FARP1: variants seen among roughly 807,000 people sequenced by gnomAD.
FARP1 encodes the protein FERM, ARHGEF and pleckstrin domain-containing protein 1.
A neutral mutation model predicts 128.8 loss-of-function variants in FARP1; 52 were observed. That is an observed-to-expected ratio of 0.40 (90% CI 0.32 to 0.51). The LOEUF (loss-of-function observed/expected upper bound fraction) is 0.51. Among genes scored for constraint, FARP1 ranks in the 20% least tolerant of loss-of-function variants. FARP1 has a pLI of 0.45. For missense variants in FARP1, 1,333 were observed against 1,367.9 expected, an observed-to-expected ratio of 0.97 and a Z score of 0.40; for synonymous variants, 580 against 551.8, an observed-to-expected ratio of 1.05 and a Z score of -0.72.
At chr13:98,300,958 C>A (rs990954412) in intron 2 of FARP1, among the ~76,000 whole-genome samples, 1 of 152,160 alleles carries the variant, frequency 6.6e-6, no homozygotes, top group Non-Finnish European at 1.5e-5. Context: ...TCTCTCCAAC[C>A]CTGGAATTGG....
At chr13:98,264,478 C>G (rs1262414870) in intron 2 of FARP1, among the ~76,000 whole-genome samples, 3 of 152,198 alleles carry the variant, frequency 2.0e-5, no homozygotes, top group African/African-American at 7.2e-5. Context: ...TGCCTTGGTG[C>G]TCAGACCGAC....
chr13:98,214,701 G>C (rs1880956947), intron 2 of FARP1, among the ~76,000 whole-genome samples: 1 of 152,194 alleles, frequency 6.6e-6, no homozygotes. Context: ...ATTGCGCACT[G>C]CAAACAACCT....
At chr13:98,428,822 G>A (rs1388708229) in intron 17 of FARP1, among the ~76,000 whole-genome samples, 2 of 152,228 alleles carry the variant, frequency 1.3e-5, no homozygotes, top group Non-Finnish European at 2.9e-5. Context: ...AGGATGTGAC[G>A]ACATGCCAGG....
intron 2 of FARP1, among the ~76,000 whole-genome samples, chr13:98,246,087 CTTTTTTTTTTTTTT>C (rs56274534): frequency 1.6e-4 from 6 of 36,882 alleles, no homozygotes; most frequent in Admixed American, 5.3e-4. Flanking sequence ...GAGATAAATT[CTTTTTTTTTTTTTT>C]TTTTTTTTTT....
At position 98,435,632 on chromosome 13, in the gene FARP1, A is replaced by G. The variant is rs150432830; in HGVS notation, c.2200A>G (p.Met734Val). 3.3e-4 allele frequency: 527 copies of G among 1,614,082 alleles called. 2 individuals are homozygous for G. Among genetic ancestry groups the G allele is most frequent in the South Asian group, 3.5e-4 (32 of 91,084 alleles). Reference sequence around the variant, plus strand: ...ACAGCTCCACGGTACGATGATCAAGATGGAGAATTTCCAGAAGCTGCACGA... The same window carrying G: ...ACAGCTCCACGGTACGATGATCAAGGTGGAGAATTTCCAGAAGCTGCACGA... The part of the protein sequence containing the change: ...VAQLHGTMIK[M>V]ENFQKLHELK... Residue 734 changes from methionine to valine, a missense_variant, in exon 19 of 27, where the codon ATG becomes GTG. By Grantham distance (21) the Met-to-Val change is conservative. Transcript: ENST00000319562.
rs997491657 is a variant in FARP1 at position 98,450,195 on chromosome 13, C to CAGAT, written c.*1880_*1883dup. The CAGAT allele has an allele frequency of 2.2e-4, 34 of 152,160 alleles. No individual in the cohort carries two copies. Among genetic ancestry groups the CAGAT allele is most frequent in the Middle Eastern group, 6.8e-3 (2 of 294 alleles). The allele number at this position is 152,160 out of a possible 1,614,324, so 9.4% of individuals were successfully genotyped here. ...ACTACACATGAGACACACAATGATG[C>CAGAT]AGATACTCGTTTTCTTGAGCTTTAT... is the stretch of plus-strand genomic sequence containing the variant. On this transcript the variant is annotated 3_prime_UTR_variant, in exon 27 of 27. Transcript: ENST00000319562.
chr13:98,276,651 C>G (rs1264466357), intron 2 of FARP1, among the ~76,000 whole-genome samples: 1 of 152,172 alleles, frequency 6.6e-6, no homozygotes, highest in African/African-American at 2.4e-5. Context: ...AAGTCATCTT[C>G]TTGGTATTCA....
chr13:98,144,027 T>G (rs1266056528), intron 1 of FARP1, among the ~76,000 whole-genome samples: 1 of 152,158 alleles, frequency 6.6e-6, no homozygotes, highest in African/African-American at 2.4e-5. Flanking sequence ...AAGTTAGATT[T>G]GTGTCTCTCT....
chr13:98,340,024 C>T (rs1358717850), intron 2 of FARP1, among the ~76,000 whole-genome samples: 2 of 151,668 alleles, frequency 1.3e-5, no homozygotes, highest in South Asian at 2.1e-4. Flanking sequence ...TCCCCCTCCC[C>T]TCTTCTAAAG....
At position 98,291,350 on chromosome 13, in the gene FARP1, G is replaced by A. The variant is rs1006276; in HGVS notation, c.172-52412G>A. ...TCATGTTGAGTGGGCTGAGGAGGAG[G>A]AGGAGGATGAGTGGCTGGTCATGCT... On this transcript the variant is annotated intron_variant, in intron 2 of 26. Coordinates refer to ENST00000319562, the MANE Select transcript of FARP1 (RefSeq NM_005766.4). Among the ~76,000 whole-genome samples, 1,180 of 152,296 alleles carry A rather than the reference G, an allele frequency of 7.7e-3. 6 individuals are homozygous for A. The highest frequency in any genetic ancestry group is 0.018 in the South Asian group (87 of 4,830).
At chr13:98,360,533 C>T (rs1202885774) in intron 3 of FARP1, among the ~76,000 whole-genome samples, 1 of 152,190 alleles carries the variant, frequency 6.6e-6, no homozygotes, top group Non-Finnish European at 1.5e-5. Flanking sequence ...TGGCAGCTGT[C>T]CAGAAGCCAG....
At position 98,288,321 on chromosome 13, in the gene FARP1, C is replaced by T. The variant is rs766846535; in HGVS notation, c.172-55441C>T. ...GGGATAAAATCTAAGCTTCATAGCACGTACATATGGCTATTCTGGAACTGA... is the reference window on the plus strand; with the variant it reads ...GGGATAAAATCTAAGCTTCATAGCATGTACATATGGCTATTCTGGAACTGA... On this transcript the variant is annotated intron_variant, in intron 2 of 26. Coordinates refer to ENST00000319562, the MANE Select transcript of FARP1 (RefSeq NM_005766.4). 5.9e-5 allele frequency among the ~76,000 whole-genome samples: 9 copies of T among 152,096 alleles called. No homozygotes were observed. The South Asian group carries it at 6.2e-4, about 11-fold the overall frequency.
chr13:98,209,894 A>G (rs1880568877), intron 1 of FARP1, among the ~76,000 whole-genome samples: 1 of 149,720 alleles, frequency 6.7e-6, no homozygotes, highest in African/African-American at 2.4e-5. Context: ...AGGCAGGAGA[A>G]TTGCTTGAAC....
Position 98,453,388 on chromosome 13 carries a change from T to C in FARP1, c.*5071T>C. 2 of 629,126 alleles carry C rather than the reference T, an allele frequency of 3.2e-6. No individual in the cohort carries two copies. The highest frequency in any genetic ancestry group is 3.3e-5 in the Admixed American group (1 of 29,896). The allele number at this position is 629,126 out of a possible 1,614,324, so 39.0% of individuals were successfully genotyped here. Reference sequence around the variant, plus strand: ...AGAATGCATATAAAGACTGAGAAGATCATGATTCTTACACAAAAACTCCAG... The same window carrying C: ...AGAATGCATATAAAGACTGAGAAGACCATGATTCTTACACAAAAACTCCAG... On this transcript the variant is annotated 3_prime_UTR_variant, in exon 27 of 27. Coordinates refer to ENST00000319562, the MANE Select transcript of FARP1 (RefSeq NM_005766.4).
chr13:98,372,084 T>TA (rs975199560), intron 5 of FARP1, among the ~76,000 whole-genome samples: 1 of 97,672 alleles, frequency 1.0e-5, no homozygotes, highest in African/African-American at 3.5e-5. Flanking sequence ...AGTTTTTCTT[T>TA]TTTTTTTTTT....
chr13:98,305,532 C>T (rs1252642553), intron 2 of FARP1, among the ~76,000 whole-genome samples: 1 of 152,154 alleles, frequency 6.6e-6, no homozygotes, highest in South Asian at 2.1e-4. Context: ...CGGGGTTTCT[C>T]CATGTTGGTC....
intron 3 of FARP1, among the ~76,000 whole-genome samples, chr13:98,347,537 T>TGTCCTTGAG (rs112486423): frequency 6.6e-6 from 1 of 152,052 alleles, no homozygotes; most frequent in African/African-American, 2.4e-5. Flanking sequence ...CTCAGCATAA[T>TGTCCTTGAG]GTTCATCTGT....
At chr13:98,401,988 T>C (rs1890791434) in intron 13 of FARP1, 1 of 152,184 alleles carries the variant, frequency 6.6e-6, no homozygotes, top group Non-Finnish European at 1.5e-5. Flanking sequence ...CATCTTCATG[T>C]AGTCTCCAGA....
At position 98,385,662 on chromosome 13, in the gene FARP1, G is replaced by A; in HGVS notation, c.612-5G>A. On this transcript the variant is annotated splice_region_variant and splice_polypyrimidine_tract_variant and intron_variant, in intron 7 of 26. Coordinates refer to ENST00000319562, the MANE Select transcript of FARP1 (RefSeq NM_005766.4). Reference sequence around the variant, plus strand: ...GGCCTTTCTGTTTAATTTTTGTTTTGTCAGTGGACAAACACCAGCAGAATC... The same window carrying A: ...GGCCTTTCTGTTTAATTTTTGTTTTATCAGTGGACAAACACCAGCAGAATC... 1 of 1,614,020 alleles carries A rather than the reference G, an allele frequency of 6.2e-7. No individual in the cohort carries two copies. The highest frequency in any genetic ancestry group is 8.5e-7 in the Non-Finnish European group (1 of 1,179,942).
Sources: allele counts gnomAD v4.1 joint callset (sites outside exome capture counted in the v4.1 genomes callset), GRCh38; gene constraint gnomAD v4.1.1; transcripts MANE v1.5; gene names NCBI Gene and HGNC (gene_info 2026-07-23, HGNC 2026-07-21).